Variants in SV2C observed in about 807,000 individuals in gnomAD.
SV2C encodes synaptic vesicle glycoprotein 2C, also known as solute carrier family 22 member B3.
In SV2C, 49 loss-of-function variants were observed where a neutral mutation model predicts 79.7. The observed-to-expected ratio is 0.61, with a 90% CI of 0.49 to 0.78. The LOEUF (loss-of-function observed/expected upper bound fraction) is 0.78, where lower values mean the gene tolerates loss of function less well. SV2C is among the 30% of genes least tolerant of loss of function. The pLI, the probability that SV2C is intolerant of heterozygous loss-of-function variation, is 0.00. For synonymous variants in SV2C, 334 were observed against 333.2 expected, an observed-to-expected ratio of 1.00 and a Z score of -0.03; for missense variants, 833 against 912.9, an observed-to-expected ratio of 0.91 and a Z score of 1.13.
At chr5:75,972,093 T>C in the SV2C span, among the ~76,000 whole-genome samples, 1 of 152,130 alleles carries the variant, frequency 6.6e-6, no homozygotes, top group African/African-American at 2.4e-5. Context: ...CCCTCTTTAA[T>C]AAATGGTGCT....
chr5:76,053,820 A>C, the SV2C span, among the ~76,000 whole-genome samples: 1 of 152,176 alleles, frequency 6.6e-6, no homozygotes, highest in African/African-American at 2.4e-5. Flanking sequence ...TACTAATCTC[A>C]GTTTCTCTTG....
intron 2 of SV2C, among the ~76,000 whole-genome samples, chr5:76,156,182 A>G (rs1742720840): frequency 6.6e-6 from 1 of 152,034 alleles, no homozygotes; most frequent in Non-Finnish European, 1.5e-5. Context: ...AACAACATAT[A>G]CCCATAGCAA....
In SV2C at chr5:76,263,268, T is replaced by C. The variant is rs60866351; in HGVS notation, c.914-21894T>C. ...AGAATTGCAACCCCTGCTTTTTTGT[T>C]TTTGTTTTTGTTTTTGTTTTGTTTT... is the stretch of plus-strand genomic sequence containing the variant. On this transcript the variant is annotated intron_variant, in intron 4 of 12. Transcript: ENST00000502798. 5.2e-3 allele frequency among the ~76,000 whole-genome samples: 781 copies of C among 149,402 alleles called. 8 individuals carry two copies. The highest frequency in any genetic ancestry group is 0.019 in the African/African-American group (760 of 40,350).
the SV2C span, among the ~76,000 whole-genome samples, chr5:75,954,581 T>C: frequency 6.0e-5 from 9 of 150,030 alleles, no homozygotes; most frequent in Admixed American, 5.9e-4. Context: ...GGGTATTCAA[T>C]TAGGAAAAGA....
At chr5:75,921,532 G>T in the SV2C span, 1 of 823,606 alleles carries the variant, frequency 1.2e-6, no homozygotes, top group Non-Finnish European at 2.2e-6. Context: ...TCTCTGGGGA[G>T]ATGATTGAAG....
At chr5:75,969,501 A>C in the SV2C span, among the ~76,000 whole-genome samples, 2 of 152,140 alleles carry the variant, frequency 1.3e-5, no homozygotes, top group East Asian at 1.9e-4. Flanking sequence ...AATGGAAAAC[A>C]AAAAAAGGCA....
chr5:76,204,397 T>C (rs1744546677), intron 3 of SV2C, among the ~76,000 whole-genome samples: 1 of 152,226 alleles, frequency 6.6e-6, no homozygotes, highest in African/African-American at 2.4e-5. Context: ...CAGCTCTTGG[T>C]AGACTCTGCC....
intron 2 of SV2C, among the ~76,000 whole-genome samples, chr5:76,161,316 A>G (rs1282082652): frequency 6.6e-6 from 1 of 152,144 alleles, no homozygotes; most frequent in Non-Finnish European, 1.5e-5. Flanking sequence ...TTGAGACAGA[A>G]AGTAAAGCTA....
At chr5:75,959,381 C>T in the SV2C span, among the ~76,000 whole-genome samples, 52,171 of 151,816 alleles carry the variant, frequency 0.34, 10,349 homozygotes, top group Middle Eastern at 0.48. Context: ...CCTCAAAGCT[C>T]ATCCTGTTTA....
intron 4 of SV2C, among the ~76,000 whole-genome samples, chr5:76,275,518 A>G (rs1252362069): frequency 6.6e-6 from 1 of 151,954 alleles, no homozygotes; most frequent in Non-Finnish European, 1.5e-5. Flanking sequence ...AAACAAAAAC[A>G]AAACAAATAT....
the SV2C span, among the ~76,000 whole-genome samples, chr5:75,941,392 C>G: frequency 6.6e-6 from 1 of 152,152 alleles, no homozygotes; most frequent in Non-Finnish European, 1.5e-5. Context: ...TAGCCAATAT[C>G]TACATTATAA....
At chr5:75,946,988 T>C in the SV2C span, among the ~76,000 whole-genome samples, 1 of 152,094 alleles carries the variant, frequency 6.6e-6, no homozygotes, top group Non-Finnish European at 1.5e-5. Context: ...AAGATCCAAG[T>C]GAGAGAGTCT....
At chr5:76,159,892 A>G (rs919251772) in intron 2 of SV2C, among the ~76,000 whole-genome samples, 3 of 152,122 alleles carry the variant, frequency 2.0e-5, no homozygotes, top group African/African-American at 7.2e-5. Context: ...AAGATACAAA[A>G]TTAATTACTA....
chr5:76,184,728 T>C (rs4704290), intron 2 of SV2C, among the ~76,000 whole-genome samples: 120,680 of 151,990 alleles, frequency 0.79, 48,484 homozygotes, highest in East Asian at 0.91. Context: ...CAATTATCTC[T>C]GCCTGGTCCC....
the SV2C span, among the ~76,000 whole-genome samples, chr5:76,020,645 T>G: frequency 6.6e-6 from 1 of 152,136 alleles, no homozygotes; most frequent in Non-Finnish European, 1.5e-5. Context: ...GGTTGGAGTG[T>G]GACTACGAAA....
intron 1 of SV2C, among the ~76,000 whole-genome samples, chr5:76,090,376 C>A (rs1359196947): frequency 6.6e-6 from 1 of 152,208 alleles, no homozygotes; most frequent in African/African-American, 2.4e-5. Context: ...GCATGCAGAG[C>A]ATTGTATTTA....
intron 2 of SV2C, among the ~76,000 whole-genome samples, chr5:76,148,964 A>G (rs1175087895): frequency 6.6e-6 from 1 of 151,992 alleles, no homozygotes; most frequent in African/African-American, 2.4e-5. Flanking sequence ...TTAATCTGCC[A>G]CTCACTCTCC....
the SV2C span, among the ~76,000 whole-genome samples, chr5:75,973,040 G>A: frequency 2.0e-5 from 3 of 152,002 alleles, no homozygotes; most frequent in African/African-American, 7.3e-5. Context: ...CATGGATGAA[G>A]CTGGAAACCA....
the SV2C span, among the ~76,000 whole-genome samples, chr5:76,065,162 C>A: frequency 2.0e-5 from 3 of 152,120 alleles, no homozygotes; most frequent in South Asian, 2.1e-4. Flanking sequence ...CTGATCTGAA[C>A]CTTCAGTGCA....
Sources: allele counts gnomAD v4.1 joint callset (sites outside exome capture counted in the v4.1 genomes callset), GRCh38; gene constraint gnomAD v4.1.1; transcripts MANE v1.5; gene names NCBI Gene and HGNC (gene_info 2026-07-23, HGNC 2026-07-21).